CACNA1I: variants seen among roughly 807,000 people sequenced by gnomAD.
CACNA1I encodes the protein calcium voltage-gated channel subunit alpha1 I, also known as voltage-dependent T-type calcium channel subunit alpha-1I.
In CACNA1I, 74 loss-of-function variants were observed where a neutral mutation model predicts 201.6. The ratio of observed to expected loss-of-function variants is 0.37; its 90% confidence interval spans 0.30 to 0.45. The LOEUF is 0.45. Among genes scored for constraint, CACNA1I ranks in the 20% least tolerant of loss-of-function variants. CACNA1I has a pLI of 1.00. For missense variants in CACNA1I, 2,346 were observed against 3,138.1 expected (o/e 0.75, Z 6.03); for synonymous variants, 1,431 against 1,345.2 (o/e 1.06, Z -1.40).
Position 39,685,929 on chromosome 22 carries a change from CGCCTGA to C in CACNA1I, c.6202_6207del (p.Ser2068_Leu2069del). On this transcript the variant is annotated inframe_deletion, in exon 37 of 37. Transcript: ENST00000402142. This position sits in a 1 kb window ranked among gnomAD's most constrained non-coding sequence, Gnocchi z 5.0. ...CGGCCTGTCCCCCGCCGCTCGCCGC[CGCCTGA>C]GCCTGCGCGGCCGGGGCCTCTTCAG... The C allele has an allele frequency of 7.7e-7, 1 of 1,299,016 alleles. No homozygotes were observed. The allele number at this position is 1,299,016 out of a possible 1,614,324, so 80.5% of individuals were successfully genotyped here.
chr22:39,658,420 A>G (rs769019164), intron 11 of CACNA1I, 117 bp downstream of exon 11: 10 of 935,760 alleles, frequency 1.1e-5, no homozygotes, highest in Non-Finnish European at 1.6e-5. Context: ...GCACTGAAAC[A>G]ATTATCGAAA....
intron 7 of CACNA1I, 148 bp downstream of exon 7, chr22:39,643,037 C>A: frequency 1.6e-6 from 1 of 608,148 alleles, no homozygotes; most frequent in Non-Finnish European, 2.9e-6. Context: ...TTTCTCAGCA[C>A]CACCGGGCAG....
Position 39,685,652 on chromosome 22 carries a change from C to A in CACNA1I, c.6028-109C>A. 1 of 938,482 alleles carries A rather than the reference C, an allele frequency of 1.1e-6. No individual in the cohort carries two copies. The highest frequency in any genetic ancestry group is 2.1e-5 in the South Asian group (1 of 47,142). The allele number at this position is 938,482 out of a possible 1,614,324, so 58.1% of individuals were successfully genotyped here. A position where few individuals can be genotyped will look rare whatever the true frequency, so the allele number is the denominator to read the frequency against. On this transcript the variant is annotated intron_variant, in intron 36 of 36. Coordinates refer to ENST00000402142, the MANE Select transcript of CACNA1I (RefSeq NM_021096.4). The surrounding 1 kb of genome is among the most constrained non-coding windows in gnomAD (Gnocchi z 5.0). ...GGGAGAAGCCCTGCTCCGAAGGGAG[C>A]TCCTTGGATGGGGTCTGCCTGCTGC... is the stretch of plus-strand genomic sequence containing the variant.
In CACNA1I at chr22:39,669,998, G is replaced by C. The variant is rs201205718; in HGVS notation, c.4195-40G>C. On this transcript the variant is annotated intron_variant, in intron 24 of 36. Coordinates refer to ENST00000402142, the MANE Select transcript of CACNA1I (RefSeq NM_021096.4). ...GGGCACCTCCCCATGGCCCTGTAGGGCCCAATCAGCCTCCTCAGCCCTTTC... is the reference window on the plus strand; with the variant it reads ...GGGCACCTCCCCATGGCCCTGTAGGCCCCAATCAGCCTCCTCAGCCCTTTC... 2.2e-4 allele frequency: 347 copies of C among 1,610,204 alleles called. 2 individuals are homozygous for C. The African/African-American group carries it at 4.1e-3, about 19-fold the overall frequency.
chr22:39,574,776 C>T (rs909955803), intron 1 of CACNA1I, among the ~76,000 whole-genome samples: 2 of 152,174 alleles, frequency 1.3e-5, no homozygotes, highest in Non-Finnish European at 2.9e-5. Flanking sequence ...GTGGTGGGTG[C>T]GTAGCATCAG....
intron 4 of CACNA1I, among the ~76,000 whole-genome samples, chr22:39,624,214 G>A (rs1486373796): frequency 1.3e-5 from 2 of 152,004 alleles, no homozygotes; most frequent in African/African-American, 4.8e-5. Flanking sequence ...GTGTGTGTGG[G>A]CGCCTGTGCC....
Position 39,679,859 on chromosome 22 carries a change from C to T in CACNA1I, c.5532C>T (p.Asp1844=). 2 of 1,612,120 alleles carry T rather than the reference C, an allele frequency of 1.2e-6. No homozygotes were observed. The highest frequency in any genetic ancestry group is 1.7e-6 in the Non-Finnish European group (2 of 1,179,198). ...CCGGCTGCAAGAAGTGTCACCACGA[C>T]AAGCAAGAGGTAATGGCAGCCCGGG... ...SPAGCKKCHH[D]KQEVQLAETE... The change falls in exon 33 of 37, where the codon GAC becomes GAT. Residue 1844 remains aspartate, a synonymous_variant. Transcript: ENST00000402142.
rs957173823 is a variant in CACNA1I, at chr22:39,649,334, G to A, written c.1568-167G>A. ...ACAACAGGGGCAGACAAAGCTCAGA[G>A]AGCTGCAGCCGCTTCCCCAGGCACC... On this transcript the variant is annotated intron_variant, in intron 9 of 36. Coordinates refer to ENST00000402142, the MANE Select transcript of CACNA1I (RefSeq NM_021096.4). This position sits in a 1 kb window ranked among gnomAD's most constrained non-coding sequence, Gnocchi z 7.3. Among the ~76,000 whole-genome samples the A allele has an allele frequency of 2.0e-5, 3 of 152,246 alleles. No homozygotes were observed. Among genetic ancestry groups the A allele is most frequent in the Non-Finnish European group, 2.9e-5 (2 of 68,042 alleles).
chr22:39,670,007 G>GCCTCCTCAGC (rs751822816), intron 24 of CACNA1I, 31 bp from the exon 25 acceptor site: 5 of 1,611,432 alleles, frequency 3.1e-6, no homozygotes, highest in Middle Eastern at 2.2e-4. Context: ...GGCCCAATCA[G>GCCTCCTCAGC]CCTCCTCAGC....
At chr22:39,641,296 C>T in intron 6 of CACNA1I, 114 bp downstream of exon 6, 2 of 844,854 alleles carry the variant, frequency 2.4e-6, no homozygotes, top group Non-Finnish European at 3.7e-6. Flanking sequence ...ACCTGCCCAG[C>T]TTGCTGGCAG....
chr22:39,626,740 GCGTGTGCCACCACACC>G (rs1208602642), intron 4 of CACNA1I, among the ~76,000 whole-genome samples: 3 of 152,132 alleles, frequency 2.0e-5, no homozygotes, highest in Non-Finnish European at 4.4e-5. Flanking sequence ...GGGACTACAG[GCGTGTGCCACCACACC>G]CAGCTAATTT....
intron 3 of CACNA1I, among the ~76,000 whole-genome samples, chr22:39,603,702 C>G (rs1933131319): frequency 6.6e-6 from 1 of 152,190 alleles, no homozygotes. Context: ...GACCCTTACA[C>G]AAATCTTAGA....
intron 4 of CACNA1I, among the ~76,000 whole-genome samples, chr22:39,627,503 C>A (rs1055318612): frequency 6.6e-6 from 1 of 152,220 alleles, no homozygotes; most frequent in Admixed American, 6.5e-5. Flanking sequence ...CCAACCCTCA[C>A]GCCCCAGGCC....
At chr22:39,618,356 GT>G (rs1933622496) in intron 3 of CACNA1I, among the ~76,000 whole-genome samples, 1 of 147,080 alleles carries the variant, frequency 6.8e-6, no homozygotes, top group African/African-American at 2.5e-5. Context: ...TGGGTGTGTG[GT>G]TGTGTGCGTG....
Position 39,666,113 on chromosome 22 carries a change from A to C in CACNA1I, c.4104+107A>C. ...TCTTGCACTGCCAGGACTGACACTGACTTCTCCTCTCCAAGCCTCAGTTTC... is the reference window on the plus strand; with the variant it reads ...TCTTGCACTGCCAGGACTGACACTGCCTTCTCCTCTCCAAGCCTCAGTTTC... On this transcript the variant is annotated intron_variant, in intron 23 of 36. Transcript: ENST00000402142. This position sits in a 1 kb window ranked among gnomAD's most constrained non-coding sequence, Gnocchi z 4.1. The C allele has an allele frequency of 7.3e-7, 1 of 1,365,394 alleles. No homozygotes were observed. Among genetic ancestry groups the C allele is most frequent in the Non-Finnish European group, 1.0e-6 (1 of 991,648 alleles). 84.6% of individuals were successfully genotyped at this position (1,365,394 alleles called of 1,614,324 possible). A position where few individuals can be genotyped will look rare whatever the true frequency, so the allele number is the denominator to read the frequency against.
chr22:39,572,606 C>A (rs1473556635), intron 1 of CACNA1I, among the ~76,000 whole-genome samples: 1 of 152,082 alleles, frequency 6.6e-6, no homozygotes, highest in African/African-American at 2.4e-5. Context: ...GGGGACGGCT[C>A]ACAGCGTCTC....
chr22:39,598,688 C>T lies in CACNA1I; in HGVS notation c.348+426C>T, dbSNP rs572027363. 1.6e-4 allele frequency among the ~76,000 whole-genome samples: 25 copies of T among 152,202 alleles called. No homozygotes were observed. In the South Asian group the frequency reaches 5.2e-3, roughly 32 times the overall value. ...CAACCTGCACTTCGTCCCCCGTGCT[C>T]TTGGACTAGAGGCCAAGTTCACACC... On this transcript the variant is annotated intron_variant, in intron 2 of 36. Transcript: ENST00000402142.
chr22:39,588,607 G>A (rs1172864035), intron 1 of CACNA1I, among the ~76,000 whole-genome samples: 1 of 151,404 alleles, frequency 6.6e-6, no homozygotes, highest in Non-Finnish European at 1.5e-5. Context: ...AGATGGTCTC[G>A]ATCTCCTGAC....
chr22:39,621,947 T>C (rs992735264), intron 4 of CACNA1I, among the ~76,000 whole-genome samples: 1 of 152,160 alleles, frequency 6.6e-6, no homozygotes, highest in Non-Finnish European at 1.5e-5. Flanking sequence ...CAAAACCATC[T>C]TTCCCACATT....
Sources: allele counts gnomAD v4.1 joint callset (sites outside exome capture counted in the v4.1 genomes callset), GRCh38; gene constraint gnomAD v4.1.1; non-coding constraint Gnocchi (gnomAD v3.1); transcripts MANE v1.5; gene names NCBI Gene and HGNC (gene_info 2026-07-23, HGNC 2026-07-21).